The following PARG variants were observed in gnomAD, a reference collection of about 807,000 sequenced individuals.
PARG encodes the protein mitochondrial poly(ADP-ribose) glycohydrolase.
Under a neutral mutation model 113.0 loss-of-function variants are expected in PARG, and 35 were observed. The ratio of observed to expected loss-of-function variants is 0.31; its 90% CI spans 0.24 to 0.41. The LOEUF (loss-of-function observed/expected upper bound fraction) is 0.41, where lower values mean the gene tolerates loss of function less well. Ranked by LOEUF, PARG falls within the 10% of genes least tolerant of loss-of-function variation. The pLI, the probability that PARG is intolerant of heterozygous loss-of-function variation, is 1.00. For missense variants in PARG, 797 were observed against 1,169.4 expected, an observed-to-expected ratio of 0.68 and a Z score of 4.64; for synonymous variants, 330 against 409.9, an observed-to-expected ratio of 0.81 and a Z score of 2.36.
chr10:49,819,282 C>G lies in PARG; in HGVS notation c.*58G>C, dbSNP rs1449700887. 7.2e-7 allele frequency: 1 copy of G among 1,380,054 alleles called. No homozygotes were observed. Among genetic ancestry groups the G allele is most frequent in the East Asian group, 2.5e-5 (1 of 39,934 alleles). The allele number at this position is 1,380,054 out of a possible 1,614,324, so 85.5% of individuals were successfully genotyped here. A position where few individuals can be genotyped will look rare whatever the true frequency, so the allele number is the denominator to read the frequency against. On this transcript the variant is annotated 3_prime_UTR_variant, in exon 18 of 18. Transcript: ENST00000616448. ...AAGTCAATTCATATATTACACCTGA[C>G]AGCTCAAACAGGACGTCTCTGGTGG...
intron 16 of PARG, among the ~76,000 whole-genome samples, 187 bp from the exon 17 acceptor site, chr10:49,820,480 G>C (rs1003742612): frequency 2.6e-5 from 4 of 152,088 alleles, no homozygotes; most frequent in Non-Finnish European, 5.9e-5. Flanking sequence ...CCAGCACTCT[G>C]GGAGGCTGAG....
intron 15 of PARG, among the ~76,000 whole-genome samples, chr10:49,838,916 C>T (rs1554831656): frequency 6.6e-6 from 1 of 152,162 alleles, no homozygotes; most frequent in East Asian, 1.9e-4. Context: ...ACTTACTAGG[C>T]TTTATTGAGC....
chr10:49,835,819 G>A (rs1438929), intron 15 of PARG, among the ~76,000 whole-genome samples: 65,820 of 151,714 alleles, frequency 0.43, 16,739 homozygotes, highest in East Asian at 0.6. Context: ...ACAGTTACGT[G>A]CCGCATAGTG....
Position 49,932,360 on chromosome 10 carries a change from A to C in PARG, c.1272-77T>G, listed in dbSNP as rs1418027023. ...CCTTAGATACACAAGCACAAAACTT[A>C]CCCAGACGTTATTGTTTAAAGTATG... On this transcript the variant is annotated intron_variant, in intron 3 of 17. Transcript: ENST00000616448. 1.1e-4 allele frequency: 96 copies of C among 842,602 alleles called. No homozygotes were observed. In the African/African-American group the frequency reaches 1.6e-3, roughly 14 times the overall value. 52.2% of individuals were successfully genotyped at this position (842,602 alleles called of 1,614,324 possible). A position where few individuals can be genotyped will look rare whatever the true frequency, so the allele number is the denominator to read the frequency against.
At chr10:49,899,500 G>A (rs760064737) in intron 7 of PARG, among the ~76,000 whole-genome samples, 2 of 152,098 alleles carry the variant, frequency 1.3e-5, no homozygotes, top group Non-Finnish European at 2.9e-5. Flanking sequence ...CATGTGTATC[G>A]CCCATGACAA....
chr10:49,846,131 A>G (rs1322225144), intron 13 of PARG, among the ~76,000 whole-genome samples: 1 of 151,630 alleles, frequency 6.6e-6, no homozygotes, highest in South Asian at 2.1e-4. Flanking sequence ...CGATCACACA[A>G]AGGAATACTC....
rs556203823 is a variant in PARG at position 49,879,686 on chromosome 10, T to C, written c.1975A>G (p.Ile659Val). 1.3e-6 allele frequency: 2 copies of C among 1,546,496 alleles called. No individual in the cohort carries two copies. The highest frequency in any genetic ancestry group is 1.2e-5 in the South Asian group (1 of 83,626). Residue 659 changes from isoleucine to valine, a missense_variant, in exon 9 of 18, where the codon ATT (isoleucine) becomes GTT (valine). Physicochemically the swap from Ile to Val is conservative, Grantham distance 29. Transcript: ENST00000616448. The stretch of plus-strand genomic sequence containing the variant: ...CTGAAAACATACCGATTGAAGTTAA[T>C]GTCTGGGTAACTAGAATACTCCGAT... ...MKSEYSSYPDINFNRLFEGRS... is the reference protein window; with the variant it reads ...MKSEYSSYPDVNFNRLFEGRS...
intron 7 of PARG, among the ~76,000 whole-genome samples, chr10:49,906,144 C>CTTTTTT (rs71471360): frequency 3.2e-4 from 35 of 111,064 alleles, no homozygotes; most frequent in African/African-American, 7.2e-4. Context: ...GATGCTGCCG[C>CTTTTTT]TTTTTTTTTT....
intron 7 of PARG, among the ~76,000 whole-genome samples, chr10:49,892,789 A>T (rs1371647866): frequency 6.6e-6 from 1 of 152,160 alleles, no homozygotes; most frequent in Non-Finnish European, 1.5e-5. Context: ...CAGATCAGCA[A>T]CTAGAGTTCA....
chr10:49,869,953 A>G (rs1554837614), intron 9 of PARG, among the ~76,000 whole-genome samples: 1 of 152,118 alleles, frequency 6.6e-6, no homozygotes, highest in Non-Finnish European at 1.5e-5. Context: ...AACGGTATCA[A>G]AAAAAATCCT....
At chr10:49,879,882 C>T in intron 8 of PARG, 52 bp from the exon 9 acceptor site, 1 of 756,774 alleles carries the variant, frequency 1.3e-6, no homozygotes, top group Non-Finnish European at 2.2e-6. Flanking sequence ...ATTAGTTTAG[C>T]AATTTCAAAA....
intron 4 of PARG, among the ~76,000 whole-genome samples, chr10:49,923,827 T>C (rs1554850030): frequency 2.0e-5 from 3 of 151,996 alleles, no homozygotes; most frequent in Admixed American, 6.6e-5. Flanking sequence ...AAGGGAAGAA[T>C]ACCTCAAGCA....
intron 4 of PARG, among the ~76,000 whole-genome samples, 167 bp downstream of exon 4, chr10:49,931,933 C>A (rs1262698569): frequency 3.3e-5 from 5 of 152,198 alleles, no homozygotes; most frequent in Non-Finnish European, 7.3e-5. Flanking sequence ...AAGTTCTATA[C>A]TAAGTAAGTT....
At position 49,832,943 on chromosome 10, in the gene PARG, G is replaced by A. The variant is rs782376592; in HGVS notation, c.2542-35C>T. The A allele has an allele frequency of 1.4e-5, 15 of 1,074,612 alleles. No individual in the cohort carries two copies. The Admixed American group carries it at 2.5e-4, about 18-fold the overall frequency. 66.6% of individuals were successfully genotyped at this position (1,074,612 alleles called of 1,614,324 possible). The stretch of plus-strand genomic sequence containing the variant: ...AAAAGAATTATCAAAGCCTGTGAGT[G>A]CCTAGACACTAACAGTGTTTCTGAC... On this transcript the variant is annotated intron_variant, in intron 15 of 17. Transcript: ENST00000616448.
chr10:49,842,796 T>C (rs1845309211), intron 14 of PARG, among the ~76,000 whole-genome samples: 1 of 152,192 alleles, frequency 6.6e-6, no homozygotes, highest in South Asian at 2.1e-4. Flanking sequence ...TAATTGTAAA[T>C]AATGTAGAAT....
intron 10 of PARG, among the ~76,000 whole-genome samples, chr10:49,866,345 G>T (rs545928333): frequency 6.6e-6 from 1 of 151,898 alleles, no homozygotes; most frequent in Non-Finnish European, 1.5e-5. Context: ...TTTCATTCCT[G>T]TGCACAATTC....
intron 7 of PARG, chr10:49,908,645 T>C (rs2664462): frequency 2.9e-3 from 436 of 151,758 alleles, no homozygotes; most frequent in East Asian, 0.012. Flanking sequence ...ATAACAAAGA[T>C]ACTTGATATT....
intron 6 of PARG, among the ~76,000 whole-genome samples, chr10:49,920,461 AAAATATATAT>A (rs1487810281): frequency 2.1e-5 from 1 of 48,336 alleles, no homozygotes; most frequent in Non-Finnish European, 4.3e-5. Flanking sequence ...TAAAAAAAAA[AAAATATATAT>A]ATATATATAT....
chr10:49,898,665 C>T (rs1287842946), intron 7 of PARG, among the ~76,000 whole-genome samples: 1 of 152,210 alleles, frequency 6.6e-6, no homozygotes, highest in African/African-American at 2.4e-5. Context: ...TACACACACA[C>T]ACAAACTCTA....
Sources: allele counts gnomAD v4.1 joint callset (sites outside exome capture counted in the v4.1 genomes callset), GRCh38; gene constraint gnomAD v4.1.1; transcripts MANE v1.5; gene names NCBI Gene and HGNC (gene_info 2026-07-23, HGNC 2026-07-21).